The following GALNT13 variants were observed in gnomAD, a reference collection of about 807,000 sequenced individuals.
GALNT13 encodes polypeptide N-acetylgalactosaminyltransferase 13, also known as UDP-GalNAc:polypeptide N-acetylgalactosaminyltransferase 13.
A neutral mutation model predicts 64.2 loss-of-function variants in GALNT13; 28 were observed. The observed-to-expected ratio is 0.44, with a 90% confidence interval of 0.32 to 0.60. The LOEUF (loss-of-function observed/expected upper bound fraction) is 0.60, where lower values mean the gene tolerates loss of function less well. Among genes scored for constraint, GALNT13 ranks in the 20% least tolerant of loss-of-function variants. GALNT13 has a pLI of 0.05. For synonymous variants in GALNT13, 214 were observed against 224.6 expected, an observed-to-expected ratio of 0.95 and a Z score of 0.42; for missense variants, 577 against 669.8, an observed-to-expected ratio of 0.86 and a Z score of 1.53.
At chr2:153,313,577 A>C in the GALNT13 span, among the ~76,000 whole-genome samples, 1 of 152,196 alleles carries the variant, frequency 6.6e-6, no homozygotes, top group African/African-American at 2.4e-5. Flanking sequence ...GGAGAGGATC[A>C]GGAAAAATAA....
the GALNT13 span, among the ~76,000 whole-genome samples, chr2:153,688,638 G>T: frequency 6.6e-6 from 1 of 151,908 alleles, no homozygotes; most frequent in African/African-American, 2.4e-5. Context: ...CTAAAATTCT[G>T]CCTTGTCTAT....
rs558856439 is a variant in GALNT13 at position 154,354,116 on chromosome 2, T to G, written c.1157-41875T>G. ...AAGAGCCATATTAATGGGTGTGAGG[T>G]GATATTTTTATAGTGGTTTTCATTT... On this transcript the variant is annotated intron_variant, in intron 9 of 12. Transcript: ENST00000392825. 3.0e-4 allele frequency among the ~76,000 whole-genome samples: 46 copies of G among 152,214 alleles called. No individual in the cohort carries two copies. In the Middle Eastern group the frequency reaches 0.01, roughly 34 times the overall value.
chr2:153,733,610 T>C, the GALNT13 span, among the ~76,000 whole-genome samples: 1 of 152,166 alleles, frequency 6.6e-6, no homozygotes, highest in East Asian at 1.9e-4. Flanking sequence ...ATTCTGCCCT[T>C]TTTAGCAAAG....
chr2:153,231,203 G>A, the GALNT13 span, among the ~76,000 whole-genome samples: 1 of 152,110 alleles, frequency 6.6e-6, no homozygotes, highest in African/African-American at 2.4e-5. Context: ...GACGCATTAG[G>A]TTTCTTCTCT....
chr2:153,860,747 A>G, the GALNT13 span, among the ~76,000 whole-genome samples: 9 of 152,288 alleles, frequency 5.9e-5, no homozygotes, highest in East Asian at 1.7e-3. Context: ...TCTATCTATT[A>G]GGGATATTTC....
chr2:153,256,781 G>C, the GALNT13 span, among the ~76,000 whole-genome samples: 685 of 152,290 alleles, frequency 4.5e-3, 2 homozygotes, highest in Admixed American at 0.012. Context: ...AAGGGTCAGG[G>C]ACCCCCTTGA....
chr2:153,785,597 T>G, the GALNT13 span, among the ~76,000 whole-genome samples: 1 of 152,042 alleles, frequency 6.6e-6, no homozygotes, highest in Non-Finnish European at 1.5e-5. Flanking sequence ...GGCTTTCAAT[T>G]GCCCCTGGGG....
the GALNT13 span, among the ~76,000 whole-genome samples, chr2:153,619,928 T>C: frequency 6.6e-6 from 1 of 152,082 alleles, no homozygotes; most frequent in Admixed American, 6.6e-5. Flanking sequence ...TCAGGTAGTT[T>C]TCTTTGGGTT....
intron 3 of GALNT13, among the ~76,000 whole-genome samples, chr2:153,961,937 G>T (rs1200191408): frequency 1.3e-5 from 2 of 152,140 alleles, no homozygotes; most frequent in Non-Finnish European, 2.9e-5. Context: ...CTTATAGTGG[G>T]TGCTCACTTA....
At position 153,916,128 on chromosome 2, in the gene GALNT13, GTTCCTTCCTTCC is replaced by G. The variant is rs150452834; in HGVS notation, c.-105+15136_-105+15147del. Among the ~76,000 whole-genome samples the G allele has an allele frequency of 5.2e-3, 682 of 132,178 alleles. 5 individuals are homozygous for G. Among genetic ancestry groups the G allele is most frequent in the African/African-American group, 0.018 (658 of 35,874 alleles). 86.7% of individuals were successfully genotyped at this position (132,178 alleles called of 152,430 possible). On this transcript the variant is annotated intron_variant, in intron 2 of 12. Transcript: ENST00000392825. ...CCTTCCTTCCTCCCTTCCTTCCTTC[GTTCCTTCCTTCC>G]TTCCTTCCTTCCTTTTTTCTTTTTC...
the GALNT13 span, among the ~76,000 whole-genome samples, chr2:153,196,461 G>A: frequency 6.6e-6 from 1 of 152,136 alleles, no homozygotes; most frequent in African/African-American, 2.4e-5. Flanking sequence ...CAGGATTGGA[G>A]CAGGCTCTGT....
chr2:153,725,200 G>A, the GALNT13 span, among the ~76,000 whole-genome samples: 23 of 145,502 alleles, frequency 1.6e-4, no homozygotes, highest in South Asian at 4.6e-4. Flanking sequence ...GTAAACTATC[G>A]CAAGAACAAA....
At chr2:153,170,599 G>A in the GALNT13 span, among the ~76,000 whole-genome samples, 1 of 152,166 alleles carries the variant, frequency 6.6e-6, no homozygotes, top group Non-Finnish European at 1.5e-5. Flanking sequence ...GTGTCTCATT[G>A]CAAGCCAAAT....
At chr2:153,266,712 C>T in the GALNT13 span, among the ~76,000 whole-genome samples, 2 of 152,154 alleles carry the variant, frequency 1.3e-5, no homozygotes, top group African/African-American at 4.8e-5. Context: ...AGGTCCCTCC[C>T]TTGACACGTG....
chr2:154,032,449 C>T (rs945014972), intron 3 of GALNT13, among the ~76,000 whole-genome samples: 33 of 151,684 alleles, frequency 2.2e-4, no homozygotes, highest in Non-Finnish European at 5.9e-5. Flanking sequence ...ACAGACATCA[C>T]CAAGAAAAGA....
the GALNT13 span, among the ~76,000 whole-genome samples, chr2:153,695,660 C>T: frequency 6.6e-6 from 1 of 152,040 alleles, no homozygotes; most frequent in Non-Finnish European, 1.5e-5. Context: ...TATTCTCTCC[C>T]TAACATTTTA....
the GALNT13 span, among the ~76,000 whole-genome samples, chr2:153,280,881 A>G: frequency 1.8e-4 from 27 of 152,248 alleles, no homozygotes; most frequent in African/African-American, 6.5e-4. Flanking sequence ...ATTAGGTCCA[A>G]TTGGTCATGC....
At chr2:153,108,002 C>G in the GALNT13 span, among the ~76,000 whole-genome samples, 1 of 152,102 alleles carries the variant, frequency 6.6e-6, no homozygotes, top group Non-Finnish European at 1.5e-5. Flanking sequence ...CTCAGCCTCC[C>G]AAGTAGCTGG....
At chr2:153,434,056 A>G in the GALNT13 span, among the ~76,000 whole-genome samples, 1 of 151,804 alleles carries the variant, frequency 6.6e-6, no homozygotes, top group South Asian at 2.1e-4. Context: ...TTCAATTCCC[A>G]CCTATGAGTG....
Sources: allele counts gnomAD v4.1 joint callset (sites outside exome capture counted in the v4.1 genomes callset), GRCh38; gene constraint gnomAD v4.1.1; transcripts MANE v1.5; gene names NCBI Gene and HGNC (gene_info 2026-07-23, HGNC 2026-07-21).